GUCY1A2: variants seen among roughly 807,000 people sequenced by gnomAD.
The protein encoded by GUCY1A2 is guanylate cyclase soluble subunit alpha-2.
Under a neutral mutation model 63.5 loss-of-function variants are expected in GUCY1A2, and 27 were observed. The observed-to-expected ratio is 0.43, with a 90% CI of 0.31 to 0.59. The LOEUF is 0.59. Ranked by LOEUF, GUCY1A2 falls within the 20% of genes least tolerant of loss-of-function variation. The probability of loss-of-function intolerance (pLI) is 0.11; values close to 1 mark genes in which losing one functional copy is unlikely to be tolerated. For missense variants in GUCY1A2, 768 were observed against 913.3 expected, an observed-to-expected ratio of 0.84 and a Z score of 2.05; for synonymous variants, 364 against 343.5, an observed-to-expected ratio of 1.06 and a Z score of -0.66.
At chr11:106,806,215 T>C (rs1282339815) in intron 5 of GUCY1A2, among the ~76,000 whole-genome samples, 1 of 152,166 alleles carries the variant, frequency 6.6e-6, no homozygotes, top group African/African-American at 2.4e-5. Context: ...GATGGTATTC[T>C]CAACTCTTTA....
chr11:106,974,650 C>A (rs1296381124), intron 3 of GUCY1A2, among the ~76,000 whole-genome samples: 1 of 152,022 alleles, frequency 6.6e-6, no homozygotes, highest in African/African-American at 2.4e-5. Context: ...AGGTCATTTC[C>A]TCTATCCTCC....
rs1862458306 is a variant in GUCY1A2 at position 106,683,066 on chromosome 11, G to A, written c.*4483C>T. ...GTTCAATCACATGAACACAATTTAT[G>A]TGTATGTTAAACCAGCTGGTTGTGG... On this transcript the variant is annotated 3_prime_UTR_variant, in exon 8 of 8. Transcript: ENST00000526355. 1 of 217,878 alleles carries A rather than the reference G, an allele frequency of 4.6e-6. No individual in the cohort carries two copies. The highest frequency in any genetic ancestry group is 9.2e-6 in the Non-Finnish European group (1 of 108,394). 13.5% of individuals were successfully genotyped at this position (217,878 alleles called of 1,614,324 possible). A position where few individuals can be genotyped will look rare whatever the true frequency, so the allele number is the denominator to read the frequency against.
chr11:106,945,991 A>C (rs186269180), intron 3 of GUCY1A2, among the ~76,000 whole-genome samples: 10 of 152,182 alleles, frequency 6.6e-5, no homozygotes, highest in Admixed American at 5.9e-4. Flanking sequence ...AACAAACAAA[A>C]AAGCTACTGA....
intron 6 of GUCY1A2, among the ~76,000 whole-genome samples, chr11:106,747,072 C>T (rs1046954130): frequency 6.6e-6 from 1 of 152,158 alleles, no homozygotes; most frequent in Non-Finnish European, 1.5e-5. Flanking sequence ...ACTGCAAGCT[C>T]CACCTCCCGG....
At chr11:106,941,565 G>T (rs1860753035) in intron 3 of GUCY1A2, among the ~76,000 whole-genome samples, 1 of 152,174 alleles carries the variant, frequency 6.6e-6, no homozygotes, top group Non-Finnish European at 1.5e-5. Flanking sequence ...AAATCAGGCA[G>T]GACTGGGAAA....
At chr11:106,721,007 A>G (rs1482716167) in intron 6 of GUCY1A2, among the ~76,000 whole-genome samples, 1 of 152,038 alleles carries the variant, frequency 6.6e-6, no homozygotes, top group African/African-American at 2.4e-5. Context: ...AAAATCAAAA[A>G]TTTATTTAAA....
chr11:106,747,637 G>C (rs1863813121), intron 6 of GUCY1A2, among the ~76,000 whole-genome samples: 1 of 152,124 alleles, frequency 6.6e-6, no homozygotes. Flanking sequence ...CCCCTTTTGG[G>C]GTTTATTCTC....
intron 4 of GUCY1A2, among the ~76,000 whole-genome samples, chr11:106,922,682 T>C (rs1591328774): frequency 7.8e-5 from 1 of 12,832 alleles, no homozygotes; most frequent in Non-Finnish European, 1.8e-4. Flanking sequence ...TATATATATA[T>C]ATATATATAT....
At chr11:106,839,594 G>T (rs1163866557) in intron 4 of GUCY1A2, among the ~76,000 whole-genome samples, 2 of 152,016 alleles carry the variant, frequency 1.3e-5, no homozygotes, top group Admixed American at 6.6e-5. Context: ...CAATAGCAAA[G>T]ACTTGGAACC....
chr11:106,787,131 T>G (rs1864569864), intron 5 of GUCY1A2, among the ~76,000 whole-genome samples: 1 of 151,792 alleles, frequency 6.6e-6, no homozygotes, highest in Admixed American at 6.6e-5. Context: ...TTTTTATTTT[T>G]AATTGTGGGT....
intron 7 of GUCY1A2, among the ~76,000 whole-genome samples, chr11:106,704,028 A>T (rs976607861): frequency 1.3e-5 from 2 of 152,002 alleles, no homozygotes; most frequent in African/African-American, 4.8e-5. Flanking sequence ...TCAGTAAGGG[A>T]CTTTTGTTAA....
intron 6 of GUCY1A2, among the ~76,000 whole-genome samples, chr11:106,755,364 C>T (rs1271690951): frequency 2.6e-5 from 4 of 151,978 alleles, no homozygotes; most frequent in Non-Finnish European, 4.4e-5. Flanking sequence ...CTGCTCTCAT[C>T]TTAGTTATTT....
chr11:106,962,103 C>A lies in GUCY1A2; in HGVS notation c.487+16516G>T, dbSNP rs1162972660. The stretch of plus-strand genomic sequence containing the variant: ...CCACAAATCCCTCCTATTTTCCCAA[C>A]ATTTATACTAAGGTGAGAGCAGGAA... On this transcript the variant is annotated intron_variant, in intron 3 of 7. Coordinates refer to ENST00000526355, the MANE Select transcript of GUCY1A2 (RefSeq NM_000855.3). Among the ~76,000 whole-genome samples, 5 of 152,210 alleles carry A rather than the reference C, an allele frequency of 3.3e-5. 1 individual carries two copies. The highest frequency in any genetic ancestry group is 2.6e-4 in the Admixed American group (4 of 15,286).
rs373043457 is a variant in GUCY1A2, at chr11:106,687,779, A to G, written c.1992-23T>C. ...AATCTAAGAAGAAAATACAGAGCAC[A>G]TGAATCAAGTAGGCCAGGGAAATGT... On this transcript the variant is annotated intron_variant, in intron 7 of 7. Coordinates refer to ENST00000526355, the MANE Select transcript of GUCY1A2 (RefSeq NM_000855.3). 4.1e-4 allele frequency: 616 copies of G among 1,495,392 alleles called. 5 individuals carry two copies. The African/African-American group carries it at 7.8e-3, about 19-fold the overall frequency. The allele number at this position is 1,495,392 out of a possible 1,614,324, so 92.6% of individuals were successfully genotyped here.
intron 4 of GUCY1A2, among the ~76,000 whole-genome samples, chr11:106,900,085 CAAA>C (rs35314878): frequency 1.0e-4 from 8 of 79,744 alleles, no homozygotes; most frequent in African/African-American, 1.5e-4. Flanking sequence ...GACTCCGTCT[CAAA>C]AAAAAAAAAA....
intron 4 of GUCY1A2, among the ~76,000 whole-genome samples, chr11:106,867,758 C>T (rs117644932): frequency 0.013 from 1,951 of 151,938 alleles, 26 homozygotes; most frequent in South Asian, 0.048. Flanking sequence ...ATCACTGAAT[C>T]GTTGATTTTA....
intron 3 of GUCY1A2, among the ~76,000 whole-genome samples, chr11:106,971,189 A>G (rs1209485343): frequency 6.7e-6 from 1 of 150,362 alleles, no homozygotes; most frequent in Non-Finnish European, 1.5e-5. Context: ...TTTACAGCAG[A>G]AGAGCTAAAC....
At chr11:106,821,587 A>G (rs1276513076) in intron 4 of GUCY1A2, among the ~76,000 whole-genome samples, 1 of 152,158 alleles carries the variant, frequency 6.6e-6, no homozygotes, top group Non-Finnish European at 1.5e-5. Flanking sequence ...TAGCACCACC[A>G]TTCAATGTTC....
At chr11:106,866,661 A>G (rs1859598757) in intron 4 of GUCY1A2, among the ~76,000 whole-genome samples, 1 of 152,028 alleles carries the variant, frequency 6.6e-6, no homozygotes, top group Non-Finnish European at 1.5e-5. Flanking sequence ...CTAAAGCCTG[A>G]GCATTCATTC....
Sources: gnomAD v4.1 joint callset for allele counts (sites outside exome capture counted in the v4.1 genomes callset) on GRCh38, gnomAD v4.1.1 for gene constraint, MANE v1.5 for transcripts, NCBI Gene and HGNC (gene_info 2026-07-23, HGNC 2026-07-21) for gene names.